Variants in ADAM20 observed in about 807,000 individuals in gnomAD.
ADAM20 encodes the protein ADAM metallopeptidase domain 20, also known as disintegrin and metalloproteinase domain-containing protein 20.
For missense variants in ADAM20, 871 were observed against 883.2 expected, an observed-to-expected ratio of 0.99 and a Z score of 0.18; for synonymous variants, 305 against 310.2, an observed-to-expected ratio of 0.98 and a Z score of 0.18.
the ADAM20 span, among the ~76,000 whole-genome samples, chr14:70,574,508 C>T: frequency 1.3e-5 from 2 of 151,826 alleles, no homozygotes; most frequent in Admixed American, 6.6e-5. Context: ...GGCATGGTGG[C>T]GGGTGCGTGT....
At chr14:70,545,869 A>G in the ADAM20 span, among the ~76,000 whole-genome samples, 1 of 152,240 alleles carries the variant, frequency 6.6e-6, no homozygotes, top group African/African-American at 2.4e-5. Flanking sequence ...AATGGACCCA[A>G]AAGACATTTA....
chr14:70,576,318 A>T, the ADAM20 span, among the ~76,000 whole-genome samples: 10 of 152,294 alleles, frequency 6.6e-5, no homozygotes, highest in African/African-American at 1.9e-4. Flanking sequence ...CAAATATCAC[A>T]CACTATTACA....
chr14:70,555,045 A>C, the ADAM20 span, among the ~76,000 whole-genome samples: 1 of 152,208 alleles, frequency 6.6e-6, no homozygotes, highest in East Asian at 1.9e-4. Context: ...TTACGAAGTC[A>C]TTTACGGTGT....
chr14:70,525,620 C>T, intron 1 of ADAM20, among the ~76,000 whole-genome samples: 1 of 152,098 alleles, frequency 6.6e-6, no homozygotes, highest in Non-Finnish European at 1.5e-5. Context: ...ATGGACAACA[C>T]ATCCAAAATC....
At position 70,523,567 on chromosome 14, in the gene ADAM20, C is replaced by T. The variant is rs138880063; in HGVS notation, c.1191G>A (p.Pro397=). 115 of 1,614,046 alleles carry T rather than the reference C, an allele frequency of 7.1e-5. No individual in the cohort carries two copies. The highest frequency in any genetic ancestry group is 1.1e-4 in the South Asian group (10 of 91,086). The change falls in exon 2 of 2, where the codon CCG becomes CCA. Residue 397 remains proline (P), a synonymous_variant. Coordinates refer to ENST00000256389, the MANE Select transcript of ADAM20 (RefSeq NM_003814.5). ...TAAATATATTCCCTGGATATGGAGG[C>T]GGTTGAATACATAATCCACTACTGA... ...STISSGLCIQ[P]PPYPGNIFRL...
chr14:70,530,556 C>T (rs2139538109), intron 1 of ADAM20, among the ~76,000 whole-genome samples: 1 of 152,214 alleles, frequency 6.6e-6, no homozygotes, highest in East Asian at 1.9e-4. Flanking sequence ...TTTGTTTACA[C>T]CAGCATCACC....
Position 70,524,042 on chromosome 14 carries a change from T to A in ADAM20, c.716A>T (p.Asn239Ile). The A allele has an allele frequency of 6.2e-7, 1 of 1,613,982 alleles. No individual in the cohort carries two copies. Among genetic ancestry groups the A allele is most frequent in the Non-Finnish European group, 8.5e-7 (1 of 1,179,950 alleles). ...AGGATGATAGAAGGAATCCACTATA[T>A]TGACAACGTTAAATACTTCATGCTG... The part of the protein sequence containing the change: ...TVQHEVFNVV[N>I]IVDSFYHPLE... Residue 239 changes from asparagine to isoleucine, a missense_variant, in exon 2 of 2, where the codon AAT becomes ATT. Coordinates refer to ENST00000256389, the MANE Select transcript of ADAM20 (RefSeq NM_003814.5).
the ADAM20 span, among the ~76,000 whole-genome samples, chr14:70,566,299 ATAAT>A: frequency 6.6e-6 from 1 of 152,346 alleles, no homozygotes; most frequent in African/African-American, 2.4e-5. Flanking sequence ...TCAATAACAA[ATAAT>A]TAAGGGAGAA....
chr14:70,571,702 G>C, the ADAM20 span, among the ~76,000 whole-genome samples: 2 of 152,172 alleles, frequency 1.3e-5, no homozygotes, highest in Non-Finnish European at 2.9e-5. Context: ...AATTATCTCT[G>C]TTCACTGTTG....
rs542600670 is a variant in ADAM20 at position 70,523,171 on chromosome 14, A to T, written c.1587T>A (p.Ser529Arg). Residue 529 changes from serine (S) to arginine (R), a missense_variant, in exon 2 of 2, where the codon AGT becomes AGA. By Grantham distance (110) the Ser-to-Arg change is moderately radical. Coordinates refer to ENST00000256389, the MANE Select transcript of ADAM20 (RefSeq NM_003814.5). Reference sequence around the variant, plus strand: ...CTTGGGTGTTGATTTCTTGGTAGCAACTCTGAGATGCACTCCTTGCATCTT... The same window carrying T: ...CTTGGGTGTTGATTTCTTGGTAGCATCTCTGAGATGCACTCCTTGCATCTT... ...FGQDARSASQ[S>R]CYQEINTQGN... 2 of 1,613,892 alleles carry T rather than the reference A, an allele frequency of 1.2e-6. No homozygotes were observed. Among genetic ancestry groups the T allele is most frequent in the Admixed American group, 3.3e-5 (2 of 59,974 alleles).
the ADAM20 span, among the ~76,000 whole-genome samples, chr14:70,566,912 G>A: frequency 3.3e-5 from 5 of 152,256 alleles, no homozygotes; most frequent in South Asian, 8.3e-4. Context: ...AACCCAGGAG[G>A]CGGAGGTTGC....
the ADAM20 span, among the ~76,000 whole-genome samples, chr14:70,576,652 C>CCATGTG: frequency 1.1e-4 from 16 of 152,056 alleles, no homozygotes; most frequent in Middle Eastern, 3.4e-3. Flanking sequence ...CCGACATGTG[C>CCATGTG]CATGTGCATG....
At chr14:70,577,205 A>C in the ADAM20 span, among the ~76,000 whole-genome samples, 1 of 152,240 alleles carries the variant, frequency 6.6e-6, no homozygotes, top group Non-Finnish European at 1.5e-5. Flanking sequence ...CTTAAGTGTT[A>C]AATCAAGTGT....
At chr14:70,525,148 T>C (rs925825575) in intron 1 of ADAM20, among the ~76,000 whole-genome samples, 17 of 152,214 alleles carry the variant, frequency 1.1e-4, no homozygotes, top group African/African-American at 4.1e-4. Context: ...ATTCATTATA[T>C]ACTGTTCTTA....
chr14:70,562,270 C>T, the ADAM20 span, among the ~76,000 whole-genome samples: 3 of 152,298 alleles, frequency 2.0e-5, no homozygotes, highest in East Asian at 1.9e-4. Flanking sequence ...GAAGTGCATG[C>T]GGCCTATAGC....
At chr14:70,568,950 G>C in the ADAM20 span, among the ~76,000 whole-genome samples, 7 of 151,982 alleles carry the variant, frequency 4.6e-5, no homozygotes, top group African/African-American at 1.4e-4. Flanking sequence ...AAGAAACTGA[G>C]AGTACACCTG....
chr14:70,569,102 G>A, the ADAM20 span, among the ~76,000 whole-genome samples: 2 of 152,062 alleles, frequency 1.3e-5, no homozygotes, highest in Non-Finnish European at 2.9e-5. Context: ...TTACAAGCCA[G>A]AAGAGACTGA....
At chr14:70,566,127 T>C in the ADAM20 span, among the ~76,000 whole-genome samples, 1 of 151,998 alleles carries the variant, frequency 6.6e-6, no homozygotes, top group South Asian at 2.1e-4. Flanking sequence ...ACCACAGGAG[T>C]ATAAAACTCA....
At chr14:70,558,581 T>TA in the ADAM20 span, among the ~76,000 whole-genome samples, 2 of 152,058 alleles carry the variant, frequency 1.3e-5, no homozygotes, top group Non-Finnish European at 2.9e-5. Context: ...GAGAAACAGA[T>TA]AAGAGTACAG....
Sources: allele counts gnomAD v4.1 joint callset (sites outside exome capture counted in the v4.1 genomes callset), GRCh38; gene constraint gnomAD v4.1.1; transcripts MANE v1.5; gene names NCBI Gene and HGNC (gene_info 2026-07-23, HGNC 2026-07-21).